MBD5: variants seen among roughly 807,000 people sequenced by gnomAD.
The protein encoded by MBD5 is methyl-CpG-binding domain protein 5.
In MBD5, 13 loss-of-function variants were observed where a neutral mutation model predicts 117.3. The ratio of observed to expected loss-of-function variants is 0.11; its 90% confidence interval spans 0.07 to 0.18. MBD5 has a LOEUF of 0.18. MBD5 is among the 10% of genes least tolerant of loss of function. The probability of loss-of-function intolerance (pLI) is 1.00; values close to 1 mark genes in which losing one functional copy is unlikely to be tolerated. For synonymous variants in MBD5, 727 were observed against 766.4 expected (o/e 0.95, Z 0.85); for missense variants, 1,879 against 2,093.8 (o/e 0.90, Z 2.00).
At chr2:148,097,834 C>G (rs1233692897) in intron 1 of MBD5, among the ~76,000 whole-genome samples, 1 of 152,106 alleles carries the variant, frequency 6.6e-6, no homozygotes, top group Non-Finnish European at 1.5e-5. Context: ...TTGGCTAGAG[C>G]AGGAAGGAGG....
intron 2 of MBD5, among the ~76,000 whole-genome samples, chr2:148,189,162 C>G (rs1166310453): frequency 6.8e-6 from 1 of 146,736 alleles, no homozygotes; most frequent in Admixed American, 6.8e-5. Context: ...AACTGCAAGG[C>G]GGCAACGAGG....
At chr2:148,382,077 CATA>C (rs1704163981) in intron 4 of MBD5, among the ~76,000 whole-genome samples, 1 of 152,120 alleles carries the variant, frequency 6.6e-6, no homozygotes, top group Non-Finnish European at 1.5e-5. Context: ...CAGCTAACAT[CATA>C]ATGACAGGAT....
intron 1 of MBD5, among the ~76,000 whole-genome samples, chr2:148,079,896 CAACAACAAA>C (rs1695605249): frequency 7.1e-6 from 1 of 140,846 alleles, no homozygotes; most frequent in African/African-American, 2.7e-5. Flanking sequence ...ACAACAACAA[CAACAACAAA>C]AACTTGCTTT....
At chr2:148,147,780 C>T (rs1017272722) in intron 1 of MBD5, among the ~76,000 whole-genome samples, 3 of 151,778 alleles carry the variant, frequency 2.0e-5, no homozygotes, top group African/African-American at 7.3e-5. Flanking sequence ...TGTGAAGGGC[C>T]TGTGTGTGTG....
chr2:148,348,481 A>C (rs914760371), intron 4 of MBD5, among the ~76,000 whole-genome samples: 18 of 151,984 alleles, frequency 1.2e-4, no homozygotes, highest in African/African-American at 4.3e-4. Context: ...TGCCCTGGCT[A>C]ATTTTGTTCC....
At chr2:148,046,673 T>C (rs1415787538) in intron 1 of MBD5, among the ~76,000 whole-genome samples, 1 of 152,200 alleles carries the variant, frequency 6.6e-6, no homozygotes, top group Admixed American at 6.5e-5. Flanking sequence ...CTTTGTGTTA[T>C]GCACATTGCT....
chr2:148,079,373 G>A (rs796949408), intron 1 of MBD5, among the ~76,000 whole-genome samples: 26 of 152,272 alleles, frequency 1.7e-4, no homozygotes, highest in African/African-American at 5.8e-4. Flanking sequence ...TATTGTTATA[G>A]TTATAGAATC....
intron 3 of MBD5, among the ~76,000 whole-genome samples, chr2:148,250,293 A>G (rs1303773906): frequency 1.3e-5 from 2 of 152,186 alleles, no homozygotes; most frequent in Non-Finnish European, 2.9e-5. Context: ...GGGAAACAAC[A>G]TACACTGGGG....
intron 1 of MBD5, among the ~76,000 whole-genome samples, chr2:148,087,030 G>A (rs992615279): frequency 6.6e-6 from 1 of 152,120 alleles, no homozygotes; most frequent in Admixed American, 6.5e-5. Flanking sequence ...GAGGTAGAGG[G>A]AAGATGACAG....
chr2:148,291,926 A>C (rs1701509030), intron 3 of MBD5, among the ~76,000 whole-genome samples: 1 of 152,194 alleles, frequency 6.6e-6, no homozygotes, highest in African/African-American at 2.4e-5. Flanking sequence ...CATACAGTGA[A>C]CTCATTTTTG....
chr2:148,078,668 CG>C lies in MBD5; in HGVS notation c.-925+56985del, dbSNP rs1695568116. Among the ~76,000 whole-genome samples the C allele has an allele frequency of 2.0e-5, 3 of 152,246 alleles. No homozygotes were observed. The East Asian group carries it at 5.8e-4, about 29-fold the overall frequency. On this transcript the variant is annotated intron_variant, in intron 1 of 13. Coordinates refer to ENST00000642680, the MANE Select transcript of MBD5 (RefSeq NM_001378120.1). The stretch of plus-strand genomic sequence containing the variant: ...GCTCTTTCTACAGTAGCTAAAATAG[CG>C]TAAGTATATATTATCCATTGGAACA...
At chr2:148,294,326 G>A (rs1273133513) in intron 3 of MBD5, among the ~76,000 whole-genome samples, 2 of 148,348 alleles carry the variant, frequency 1.3e-5, no homozygotes, top group African/African-American at 2.5e-5. Flanking sequence ...CCGGGTTCAC[G>A]CCATTCTCCT....
intron 2 of MBD5, among the ~76,000 whole-genome samples, chr2:148,205,063 A>G (rs1370249665): frequency 2.6e-5 from 4 of 151,866 alleles, no homozygotes; most frequent in Admixed American, 1.3e-4. Context: ...CAGTCTTTAC[A>G]ATTGTCTTAT....
At chr2:148,172,469 G>C (rs1283613555) in intron 1 of MBD5, among the ~76,000 whole-genome samples, 1 of 152,216 alleles carries the variant, frequency 6.6e-6, no homozygotes, top group Non-Finnish European at 1.5e-5. Context: ...GGGAGGCCTG[G>C]GGTTGGGGAA....
At position 148,129,418 on chromosome 2, in the gene MBD5, C is replaced by T. The variant is rs910414805; in HGVS notation, c.-924-49282C>T. 4.6e-5 allele frequency among the ~76,000 whole-genome samples: 7 copies of T among 152,198 alleles called. No individual in the cohort carries two copies. The East Asian group carries it at 1.4e-3, about 29-fold the overall frequency. ...GCTGAGGCAGGAGTAATCACTTGAA[C>T]CAGGGAGGCGGAGGTTGCAGTGAGC... On this transcript the variant is annotated intron_variant, in intron 1 of 13. Coordinates refer to ENST00000642680, the MANE Select transcript of MBD5 (RefSeq NM_001378120.1).
At chr2:148,497,473 A>G (rs1356220274) in intron 11 of MBD5, among the ~76,000 whole-genome samples, 1 of 152,146 alleles carries the variant, frequency 6.6e-6, no homozygotes, top group African/African-American at 2.4e-5. Context: ...GGATCACTTG[A>G]GGCCAGGAGT....
intron 1 of MBD5, among the ~76,000 whole-genome samples, chr2:148,085,515 G>C (rs955557800): frequency 2.6e-4 from 39 of 151,962 alleles, no homozygotes; most frequent in African/African-American, 9.2e-4. Flanking sequence ...ACGAGGTCAG[G>C]AGATCGAGAC....
intron 1 of MBD5, among the ~76,000 whole-genome samples, chr2:148,146,087 TGCA>T (rs1697454906): frequency 6.6e-6 from 1 of 152,208 alleles, no homozygotes; most frequent in African/African-American, 2.4e-5. Context: ...GATATGACAC[TGCA>T]GAACATTTAA....
chr2:148,272,045 C>T (rs1700999081), intron 3 of MBD5, among the ~76,000 whole-genome samples: 1 of 152,166 alleles, frequency 6.6e-6, no homozygotes, highest in Non-Finnish European at 1.5e-5. Flanking sequence ...CAGTATTTGT[C>T]TTTCTGTGCC....
Sources: gnomAD v4.1 joint callset for allele counts (sites outside exome capture counted in the v4.1 genomes callset) on GRCh38, gnomAD v4.1.1 for gene constraint, MANE v1.5 for transcripts, NCBI Gene and HGNC (gene_info 2026-07-23, HGNC 2026-07-21) for gene names.